Variants in PPFIA2 observed in about 807,000 individuals in gnomAD.
The protein encoded by PPFIA2 is liprin-alpha-2.
Under a neutral mutation model 175.5 loss-of-function variants are expected in PPFIA2, and 46 were observed. The observed-to-expected ratio is 0.26, with a 90% CI of 0.21 to 0.34. PPFIA2 has a LOEUF of 0.34. PPFIA2 is among the 10% of genes least tolerant of loss of function. PPFIA2 has a pLI of 1.00. For missense variants in PPFIA2, 1,179 were observed against 1,506.1 expected (o/e 0.78, Z 3.60); for synonymous variants, 568 against 511.4 (o/e 1.11, Z -1.49).
intron 15 of PPFIA2, among the ~76,000 whole-genome samples, chr12:81,361,845 C>A (rs565271776): frequency 1.3e-5 from 2 of 151,618 alleles, no homozygotes; most frequent in South Asian, 2.1e-4. Context: ...AAGTTTCAAA[C>A]GGCTGCTATT....
chr12:81,488,075 T>G (rs1369095061), intron 4 of PPFIA2, among the ~76,000 whole-genome samples: 11 of 151,940 alleles, frequency 7.2e-5, no homozygotes, highest in Non-Finnish European at 1.0e-4. Context: ...AAAGTAGTTT[T>G]CCTATGTAAC....
intron 4 of PPFIA2, among the ~76,000 whole-genome samples, chr12:81,539,295 T>C (rs746612030): frequency 6.6e-6 from 1 of 151,874 alleles, no homozygotes; most frequent in Non-Finnish European, 1.5e-5. Context: ...GCAGGAAATA[T>C]ACATTTGAGA....
chr12:81,366,069 C>T (rs911261133), intron 14 of PPFIA2, among the ~76,000 whole-genome samples: 1 of 140,682 alleles, frequency 7.1e-6, no homozygotes. Flanking sequence ...CCTTCCCTTC[C>T]CTCCCTTCTT....
At chr12:81,418,610 G>T (rs2045728905) in intron 7 of PPFIA2, among the ~76,000 whole-genome samples, 1 of 151,866 alleles carries the variant, frequency 6.6e-6, no homozygotes, top group Non-Finnish European at 1.5e-5. Flanking sequence ...TTGTGACAGA[G>T]ACCATCTGGC....
At chr12:81,615,518 C>A (rs1291422958) in intron 4 of PPFIA2, among the ~76,000 whole-genome samples, 1 of 152,142 alleles carries the variant, frequency 6.6e-6, no homozygotes, top group Non-Finnish European at 1.5e-5. Context: ...AAAGAAAAAT[C>A]TGTAGGAGCA....
intron 17 of PPFIA2, among the ~76,000 whole-genome samples, chr12:81,348,043 C>T (rs1281932740): frequency 6.6e-6 from 1 of 151,996 alleles, no homozygotes; most frequent in African/African-American, 2.4e-5. Flanking sequence ...TATACTACCA[C>T]CTGCTAAAAC....
At chr12:81,594,432 C>A (rs1038681511) in intron 4 of PPFIA2, among the ~76,000 whole-genome samples, 1 of 152,068 alleles carries the variant, frequency 6.6e-6, no homozygotes, top group Non-Finnish European at 1.5e-5. Context: ...AGAAATAATT[C>A]TTCTATGGGC....
At chr12:81,569,579 A>G (rs2072077385) in intron 4 of PPFIA2, among the ~76,000 whole-genome samples, 1 of 152,154 alleles carries the variant, frequency 6.6e-6, no homozygotes, top group African/African-American at 2.4e-5. Flanking sequence ...AACATTTATA[A>G]CAATAATATT....
chr12:81,503,855 G>A (rs1323758607), intron 4 of PPFIA2, among the ~76,000 whole-genome samples: 1 of 151,900 alleles, frequency 6.6e-6, no homozygotes, highest in African/African-American at 2.4e-5. Context: ...ACTAAGTAAT[G>A]CTTAGTCTTA....
intron 8 of PPFIA2, among the ~76,000 whole-genome samples, chr12:81,391,124 G>T (rs1461507708): frequency 6.6e-6 from 1 of 151,894 alleles, no homozygotes; most frequent in Non-Finnish European, 1.5e-5. Flanking sequence ...GCAAGGATAT[G>T]CATTGCAATA....
intron 22 of PPFIA2, among the ~76,000 whole-genome samples, chr12:81,310,233 G>C (rs2050430183): frequency 6.6e-6 from 1 of 152,098 alleles, no homozygotes; most frequent in East Asian, 1.9e-4. Context: ...AAGTGGGGAA[G>C]ATGGAATTTA....
intron 8 of PPFIA2, among the ~76,000 whole-genome samples, chr12:81,392,077 A>G (rs144422676): frequency 2.2e-4 from 33 of 152,056 alleles, no homozygotes; most frequent in Middle Eastern, 3.4e-3. Context: ...CTTATAAAAG[A>G]CAGGACAAAA....
At chr12:81,319,379 T>C (rs2053164556) in intron 22 of PPFIA2, among the ~76,000 whole-genome samples, 1 of 151,784 alleles carries the variant, frequency 6.6e-6, no homozygotes, top group Non-Finnish European at 1.5e-5. Flanking sequence ...TAATTGTCTT[T>C]GGTTGAAGGT....
At chr12:81,351,171 T>G (rs1648176623) in intron 17 of PPFIA2, among the ~76,000 whole-genome samples, 1 of 152,186 alleles carries the variant, frequency 6.6e-6, no homozygotes, top group Admixed American at 6.5e-5. Flanking sequence ...GAAAACCATC[T>G]ATTATTAGGG....
chr12:81,309,354 G>A (rs2050149904), intron 22 of PPFIA2, among the ~76,000 whole-genome samples: 1 of 152,068 alleles, frequency 6.6e-6, no homozygotes, highest in Admixed American at 6.5e-5. Context: ...AGCTGAACAT[G>A]TATATCTTAG....
rs1033622251 is a variant in PPFIA2 at position 81,406,773 on chromosome 12, A to C, written c.646-870T>G. Among the ~76,000 whole-genome samples the C allele has an allele frequency of 2.0e-5, 3 of 152,286 alleles. No homozygotes were observed. The East Asian group carries it at 5.8e-4, about 29-fold the overall frequency. ...TGTATTATCAACTCAGATAGTAGTC[A>C]ATATTAGTTCTGGGAGAAATAAAGG... On this transcript the variant is annotated intron_variant, in intron 7 of 32. Coordinates refer to ENST00000549396, the MANE Select transcript of PPFIA2 (RefSeq NM_003625.5).
intron 4 of PPFIA2, among the ~76,000 whole-genome samples, chr12:81,654,156 A>G (rs2067432144): frequency 6.6e-6 from 1 of 151,908 alleles, no homozygotes; most frequent in African/African-American, 2.4e-5. Context: ...AATTTAAAAA[A>G]TCTGTGGATT....
intron 3 of PPFIA2, among the ~76,000 whole-genome samples, chr12:81,680,506 T>C (rs928832530): frequency 6.6e-6 from 1 of 151,994 alleles, no homozygotes; most frequent in African/African-American, 2.4e-5. Context: ...ACACTGCACA[T>C]ATCTATGTTG....
chr12:81,344,088 T>A (rs2222842), intron 19 of PPFIA2, among the ~76,000 whole-genome samples: 1 of 151,758 alleles, frequency 6.6e-6, no homozygotes, highest in Non-Finnish European at 1.5e-5. Context: ...AATCAGGCTA[T>A]CCATCCTAAC....
Sources: allele counts gnomAD v4.1 joint callset (sites outside exome capture counted in the v4.1 genomes callset), GRCh38; gene constraint gnomAD v4.1.1; transcripts MANE v1.5; gene names NCBI Gene and HGNC (gene_info 2026-07-23, HGNC 2026-07-21).